Variants in CD38 observed in about 807,000 individuals in gnomAD.
CD38 encodes the protein ADP-ribosyl cyclase/cyclic ADP-ribose hydrolase 1.
A neutral mutation model predicts 36.3 loss-of-function variants in CD38; 31 were observed. That is an observed-to-expected ratio of 0.85 (90% CI 0.64 to 1.15). The LOEUF is 1.15. CD38 is among the 50% of genes most tolerant of loss of function. CD38 has a pLI of 0.00. For missense variants in CD38, 380 were observed against 371.9 expected (o/e 1.02, Z -0.18); for synonymous variants, 131 against 135.2 (o/e 0.97, Z 0.22).
intron 5 of CD38, 69 bp from the exon 6 acceptor site, chr4:15,839,957 T>G (rs1308683789): frequency 5.0e-6 from 5 of 1,003,738 alleles, no homozygotes; most frequent in Middle Eastern, 2.0e-4. Flanking sequence ...TGCCTGCTGG[T>G]TGTTGAGGGG....
intron 1 of CD38, among the ~76,000 whole-genome samples, chr4:15,786,320 A>C (rs1375593410): frequency 6.6e-6 from 1 of 152,142 alleles, no homozygotes; most frequent in Non-Finnish European, 1.5e-5. Flanking sequence ...TTTTACAGAG[A>C]GCTGATTGGT....
intron 1 of CD38, among the ~76,000 whole-genome samples, chr4:15,800,591 G>A (rs951827188): frequency 6.6e-6 from 1 of 152,132 alleles, no homozygotes; most frequent in African/African-American, 2.4e-5. Flanking sequence ...TTTGAAGTAT[G>A]TGTTCAAATC....
At chr4:15,825,216 T>G (rs1039515368) in intron 3 of CD38, 200 bp downstream of exon 3, 14 of 541,148 alleles carry the variant, frequency 2.6e-5, no homozygotes, top group Non-Finnish European at 4.5e-5. Flanking sequence ...AGAGGTTTAT[T>G]TGACTCACAG....
intron 4 of CD38, among the ~76,000 whole-genome samples, chr4:15,837,612 A>C (rs1192535442): frequency 3.3e-5 from 5 of 152,168 alleles, no homozygotes; most frequent in African/African-American, 1.2e-4. Flanking sequence ...TCATTCACTT[A>C]TTCAGTCCTC....
intron 1 of CD38, among the ~76,000 whole-genome samples, chr4:15,812,300 T>C (rs1723491356): frequency 6.6e-6 from 1 of 152,234 alleles, no homozygotes; most frequent in Non-Finnish European, 1.5e-5. Context: ...TCCATATGAA[T>C]TTTAAGTTAA....
intron 4 of CD38, 100 bp from the exon 5 acceptor site, chr4:15,837,992 C>A: frequency 1.1e-6 from 1 of 914,020 alleles, no homozygotes; most frequent in Non-Finnish European, 1.7e-6. Context: ...TATGGGATAT[C>A]CTTCCTTAAC....
intron 1 of CD38, among the ~76,000 whole-genome samples, chr4:15,793,746 A>T (rs114759155): frequency 0.012 from 1,777 of 152,318 alleles, 35 homozygotes; most frequent in African/African-American, 0.039. Context: ...TTTGGCTTGG[A>T]TGGTGATGGA....
At chr4:15,843,285 C>G (rs1479109316) in intron 7 of CD38, among the ~76,000 whole-genome samples, 3 of 73,542 alleles carry the variant, frequency 4.1e-5, no homozygotes, top group Non-Finnish European at 7.5e-5. Context: ...AATTTTCAAC[C>G]CAAAATTTCA....
chr4:15,786,990 T>C (rs1445650925), intron 1 of CD38, among the ~76,000 whole-genome samples: 1 of 152,232 alleles, frequency 6.6e-6, no homozygotes, highest in Non-Finnish European at 1.5e-5. Flanking sequence ...GCTAAGCCCT[T>C]CACTGTCCGG....
chr4:15,828,694 T>C (rs1723899179), intron 3 of CD38, among the ~76,000 whole-genome samples: 1 of 152,236 alleles, frequency 6.6e-6, no homozygotes, highest in South Asian at 2.1e-4. Flanking sequence ...ATTGTGTATA[T>C]ATACCACACT....
rs183503003 is a variant in CD38, at chr4:15,835,597, C to T, written c.585+1295C>T. On this transcript the variant is annotated intron_variant, in intron 4 of 7. Transcript: ENST00000226279. ...TTCACCATGTTGGCCAGGCTGGTCTCAAACTCCTGACCTCAGGTGATCCGC... is the reference window on the plus strand; with the variant it reads ...TTCACCATGTTGGCCAGGCTGGTCTTAAACTCCTGACCTCAGGTGATCCGC... Among the ~76,000 whole-genome samples, 626 of 151,928 alleles carry T rather than the reference C, an allele frequency of 4.1e-3. 4 individuals carry two copies. Among genetic ancestry groups the T allele is most frequent in the South Asian group, 0.024 (115 of 4,798 alleles).
intron 2 of CD38, among the ~76,000 whole-genome samples, chr4:15,821,722 C>T (rs184647605): frequency 1.3e-3 from 186 of 143,874 alleles, no homozygotes; most frequent in African/African-American, 4.5e-3. Flanking sequence ...AGCCCAGGAT[C>T]AGACAGATTT....
At chr4:15,826,457 G>GCA (rs1491148359) in intron 3 of CD38, among the ~76,000 whole-genome samples, 11 of 89,492 alleles carry the variant, frequency 1.2e-4, no homozygotes, top group Non-Finnish European at 1.5e-4. Flanking sequence ...ACACTTTTGT[G>GCA]CGCACACACA....
chr4:15,784,283 G>A (rs992097145), intron 1 of CD38, among the ~76,000 whole-genome samples: 1 of 152,178 alleles, frequency 6.6e-6, no homozygotes, highest in African/African-American at 2.4e-5. Flanking sequence ...ATGTGGTGGG[G>A]CAGAGTCAGG....
chr4:15,818,511 G>A (rs915662018), intron 2 of CD38, among the ~76,000 whole-genome samples: 3 of 152,170 alleles, frequency 2.0e-5, no homozygotes, highest in African/African-American at 4.8e-5. Context: ...GCTAAAGGAC[G>A]GATTGCCTCC....
In CD38 at chr4:15,829,877, A is replaced by G. The variant is rs969132766; in HGVS notation, c.500-4340A>G. The stretch of plus-strand genomic sequence containing the variant: ...CTGTGTCTAGCTTATTTCACTTAAC[A>G]TAATGACCTCCAGTTCTATTCATGT... On this transcript the variant is annotated intron_variant, in intron 3 of 7. Transcript: ENST00000226279. Among the ~76,000 whole-genome samples the G allele has an allele frequency of 4.6e-5, 7 of 152,346 alleles. No homozygotes were observed. In the South Asian group the frequency reaches 1.5e-3, roughly 32 times the overall value.
chr4:15,821,151 G>T (rs1378974043), intron 2 of CD38, among the ~76,000 whole-genome samples: 1 of 152,144 alleles, frequency 6.6e-6, no homozygotes, highest in Non-Finnish European at 1.5e-5. Context: ...TAGGAAAAAA[G>T]AGACAATGTA....
chr4:15,825,330 AG>A, intron 3 of CD38: 1 of 309,946 alleles, frequency 3.2e-6, no homozygotes, highest in Middle Eastern at 1.0e-3. Flanking sequence ...GCATTTACAG[AG>A]ATCACATGGT....
intron 5 of CD38, among the ~76,000 whole-genome samples, chr4:15,838,835 G>A (rs1288053652): frequency 6.6e-6 from 1 of 152,156 alleles, no homozygotes; most frequent in African/African-American, 2.4e-5. Context: ...TGAGACAACA[G>A]ATGAAAAATG....
Sources: allele counts gnomAD v4.1 joint callset (sites outside exome capture counted in the v4.1 genomes callset), GRCh38; gene constraint gnomAD v4.1.1; transcripts MANE v1.5; gene names NCBI Gene and HGNC (gene_info 2026-07-23, HGNC 2026-07-21).